RBMS3: variants seen among roughly 807,000 people sequenced by gnomAD.
RBMS3 encodes the protein RNA binding motif single stranded interacting protein 3.
Under a neutral mutation model 66.8 loss-of-function variants are expected in RBMS3, and 27 were observed. The observed-to-expected ratio is 0.40, with a 90% CI of 0.30 to 0.56. The LOEUF (loss-of-function observed/expected upper bound fraction) is 0.56, where lower values mean the gene tolerates loss of function less well. RBMS3 is among the 20% of genes least tolerant of loss of function. The pLI, the probability that RBMS3 is intolerant of heterozygous loss-of-function variation, is 0.40. For synonymous variants in RBMS3, 188 were observed against 183.0 expected (o/e 1.03, Z -0.22); for missense variants, 513 against 549.5 (o/e 0.93, Z 0.66).
At chr3:29,841,118 A>T (rs548164322) in intron 6 of RBMS3, among the ~76,000 whole-genome samples, 7 of 151,798 alleles carry the variant, frequency 4.6e-5, no homozygotes, top group African/African-American at 1.4e-4. Flanking sequence ...TCATTCATGT[A>T]TTGTTCAATT....
At position 29,644,292 on chromosome 3, in the gene RBMS3, T is replaced by A. The variant is rs190675884; in HGVS notation, c.399+57087T>A. ...GTGTTAAATTGTCGTGTTACAATTT[T>A]GAACGGGTTTCAATCACAATTTGCA... is the stretch of plus-strand genomic sequence containing the variant. On this transcript the variant is annotated intron_variant, in intron 4 of 14. Coordinates refer to ENST00000383767, the MANE Select transcript of RBMS3 (RefSeq NM_001003793.3). Among the ~76,000 whole-genome samples the A allele has an allele frequency of 2.0e-4, 30 of 152,334 alleles. No individual in the cohort carries two copies. The East Asian group carries it at 5.4e-3, about 27-fold the overall frequency.
intron 10 of RBMS3, among the ~76,000 whole-genome samples, chr3:29,926,297 C>G (rs890151060): frequency 6.6e-6 from 1 of 152,046 alleles, no homozygotes; most frequent in Non-Finnish European, 1.5e-5. Context: ...GTTAAGTTTC[C>G]AGCCCTAACC....
Position 29,544,496 on chromosome 3 carries a change from A to G in RBMS3, c.308-42618A>G, listed in dbSNP as rs533978586. Among the ~76,000 whole-genome samples the G allele has an allele frequency of 7.9e-5, 12 of 152,262 alleles. 1 individual carries two copies. In the South Asian group the frequency reaches 1.5e-3, roughly 18 times the overall value. On this transcript the variant is annotated intron_variant, in intron 3 of 14. Coordinates refer to ENST00000383767, the MANE Select transcript of RBMS3 (RefSeq NM_001003793.3). ...GAAAAGATCACTAAGCTGAGAATCC[A>G]AACACTTGACTTTATTGTGAAAGTA...
intron 4 of RBMS3, among the ~76,000 whole-genome samples, chr3:29,611,994 ACC>A (rs1316104144): frequency 2.0e-5 from 3 of 152,022 alleles, no homozygotes; most frequent in Non-Finnish European, 2.9e-5. Context: ...GGTCTCACCC[ACC>A]GGCTGTGTGA....
chr3:29,386,493 C>G (rs1427399294), intron 1 of RBMS3, among the ~76,000 whole-genome samples: 3 of 152,168 alleles, frequency 2.0e-5, no homozygotes, highest in Non-Finnish European at 4.4e-5. Flanking sequence ...TTTCATGTTA[C>G]TGTGGATGAA....
At chr3:29,837,196 C>T (rs1444391416) in intron 6 of RBMS3, among the ~76,000 whole-genome samples, 1 of 151,982 alleles carries the variant, frequency 6.6e-6, no homozygotes, top group Non-Finnish European at 1.5e-5. Flanking sequence ...GATTCTCCTC[C>T]AAAACCATAA....
intron 6 of RBMS3, among the ~76,000 whole-genome samples, chr3:29,846,817 T>A (rs531357220): frequency 2.0e-5 from 3 of 152,160 alleles, no homozygotes; most frequent in African/African-American, 7.2e-5. Context: ...AATGAATTGA[T>A]TAGCCAAGAA....
At chr3:29,338,660 TTCTCC>T (rs1179675057) in intron 1 of RBMS3, among the ~76,000 whole-genome samples, 1 of 144,186 alleles carries the variant, frequency 6.9e-6, no homozygotes, top group African/African-American at 2.5e-5. Flanking sequence ...TGTCTAGGAT[TTCTCC>T]TCTCCTCTCC....
At chr3:29,640,890 T>C (rs961522163) in intron 4 of RBMS3, among the ~76,000 whole-genome samples, 5 of 151,970 alleles carry the variant, frequency 3.3e-5, no homozygotes, top group African/African-American at 7.2e-5. Context: ...TCTACAGCTG[T>C]GTTTACCCAT....
chr3:29,828,917 T>C (rs543894558), intron 6 of RBMS3, among the ~76,000 whole-genome samples: 2 of 152,228 alleles, frequency 1.3e-5, no homozygotes, highest in Admixed American at 6.5e-5. Flanking sequence ...ATAACCCATA[T>C]AGTAGAAAGA....
At chr3:29,945,285 C>T (rs1217813739) in intron 12 of RBMS3, among the ~76,000 whole-genome samples, 4 of 151,594 alleles carry the variant, frequency 2.6e-5, no homozygotes, top group Non-Finnish European at 5.9e-5. Flanking sequence ...TTTGGCCACC[C>T]GTTTGCTTGA....
chr3:29,532,236 GCA>G (rs1491258393), intron 3 of RBMS3, among the ~76,000 whole-genome samples: 880 of 84,836 alleles, frequency 0.01, 20 homozygotes, highest in African/African-American at 0.037. Flanking sequence ...TTTTAATTTC[GCA>G]TATATATGTA....
chr3:29,765,750 G>T (rs946396359), intron 6 of RBMS3: 2 of 152,114 alleles, frequency 1.3e-5, no homozygotes, highest in African/African-American at 2.4e-5. Flanking sequence ...TATTGTATTA[G>T]TTTGTTTTCA....
At chr3:29,877,733 A>G (rs1424814634) in intron 7 of RBMS3, among the ~76,000 whole-genome samples, 1 of 152,104 alleles carries the variant, frequency 6.6e-6, no homozygotes, top group African/African-American at 2.4e-5. Flanking sequence ...TAGTCTCCTG[A>G]CTGTGCCGGA....
chr3:29,952,398 A>G (rs956024015), intron 12 of RBMS3, among the ~76,000 whole-genome samples: 3 of 151,862 alleles, frequency 2.0e-5, no homozygotes, highest in African/African-American at 7.2e-5. Flanking sequence ...ATGATATATT[A>G]TGTTTCTTGC....
intron 14 of RBMS3, among the ~76,000 whole-genome samples, chr3:29,999,972 C>G (rs55648835): frequency 0.16 from 24,437 of 151,830 alleles, 2,276 homozygotes; most frequent in East Asian, 0.24. Flanking sequence ...AAAATCAGGA[C>G]ATAGGCATGG....
intron 6 of RBMS3, 101 bp downstream of exon 6, chr3:29,763,090 G>T (rs1415726726): frequency 2.7e-6 from 2 of 743,662 alleles, no homozygotes; most frequent in Non-Finnish European, 4.3e-6. Flanking sequence ...TGCAGAGTTG[G>T]GGGGTTTGCT....
chr3:29,624,889 T>C (rs2049003396), intron 4 of RBMS3, among the ~76,000 whole-genome samples: 1 of 152,188 alleles, frequency 6.6e-6, no homozygotes, highest in Non-Finnish European at 1.5e-5. Context: ...ACAAAATTGT[T>C]GATATAGTTT....
At chr3:29,815,052 A>G (rs1439559037) in intron 6 of RBMS3, among the ~76,000 whole-genome samples, 2 of 152,168 alleles carry the variant, frequency 1.3e-5, no homozygotes, top group Non-Finnish European at 2.9e-5. Flanking sequence ...AATGACAAAG[A>G]AGTCTATCCA....
Sources: allele counts gnomAD v4.1 joint callset (sites outside exome capture counted in the v4.1 genomes callset), GRCh38; gene constraint gnomAD v4.1.1; transcripts MANE v1.5; gene names NCBI Gene and HGNC (gene_info 2026-07-23, HGNC 2026-07-21).